Variants in ERC2 observed in about 807,000 individuals in gnomAD.
ERC2 encodes the protein ELKS/RAB6-interacting/CAST family member 2.
Under a neutral mutation model 114.8 loss-of-function variants are expected in ERC2, and 42 were observed. The ratio of observed to expected loss-of-function variants is 0.37; its 90% CI spans 0.29 to 0.47. The LOEUF is 0.47. Among genes scored for constraint, ERC2 ranks in the 20% least tolerant of loss-of-function variants. ERC2 has a pLI of 0.99. For synonymous variants in ERC2, 454 were observed against 425.5 expected, an observed-to-expected ratio of 1.07 and a Z score of -0.82; for missense variants, 939 against 1,150.7, an observed-to-expected ratio of 0.82 and a Z score of 2.66.
intron 2 of ERC2, among the ~76,000 whole-genome samples, chr3:56,329,559 T>C (rs2057512213): frequency 6.6e-6 from 1 of 152,178 alleles, no homozygotes; most frequent in Non-Finnish European, 1.5e-5. Flanking sequence ...CCTACCTGCC[T>C]GGAGGAAGGG....
chr3:56,186,955 A>G (rs766332859), intron 3 of ERC2, among the ~76,000 whole-genome samples: 1 of 152,192 alleles, frequency 6.6e-6, no homozygotes, highest in Non-Finnish European at 1.5e-5. Context: ...GCCTGAGACA[A>G]GGACTTCCAT....
chr3:55,570,910 G>A (rs996619475), intron 17 of ERC2, among the ~76,000 whole-genome samples: 9 of 151,922 alleles, frequency 5.9e-5, no homozygotes, highest in Admixed American at 3.3e-4. Context: ...GGCGGATCAC[G>A]AGGTCAAGAG....
intron 17 of ERC2, among the ~76,000 whole-genome samples, chr3:55,616,455 T>C (rs375401408): frequency 1.4e-4 from 21 of 152,260 alleles, no homozygotes; most frequent in African/African-American, 4.8e-4. Context: ...AAAACAAAAA[T>C]AGCTACATCT....
chr3:55,520,938 T>C (rs188184291), intron 17 of ERC2, among the ~76,000 whole-genome samples: 73 of 152,218 alleles, frequency 4.8e-4, no homozygotes, highest in African/African-American at 1.7e-3. Flanking sequence ...TGCCCCCTCC[T>C]AGAAAAGGAG....
chr3:56,394,546 T>C (rs1164172515), intron 2 of ERC2, among the ~76,000 whole-genome samples: 2 of 152,116 alleles, frequency 1.3e-5, no homozygotes, highest in African/African-American at 4.8e-5. Context: ...AATTTAAAAA[T>C]GGGCAAAAGA....
At chr3:55,689,689 A>C (rs2062533257) in intron 16 of ERC2, among the ~76,000 whole-genome samples, 1 of 151,792 alleles carries the variant, frequency 6.6e-6, no homozygotes, top group African/African-American at 2.4e-5. Context: ...AAATGAGGGG[A>C]GGCTGAGGCA....
chr3:56,296,537 T>A, intron 2 of ERC2, 102 bp from the exon 3 acceptor site: 1 of 1,281,240 alleles, frequency 7.8e-7, no homozygotes, highest in Non-Finnish European at 1.1e-6. Flanking sequence ...GATGGAATGT[T>A]AATCATGAGG....
intron 2 of ERC2, among the ~76,000 whole-genome samples, chr3:56,422,995 A>T (rs942632518): frequency 2.0e-5 from 3 of 152,246 alleles, no homozygotes; most frequent in Admixed American, 6.5e-5. Context: ...AGTTTTATAA[A>T]ATAGGTTTAT....
At chr3:56,335,130 G>T (rs1475399512) in intron 2 of ERC2, among the ~76,000 whole-genome samples, 1 of 152,196 alleles carries the variant, frequency 6.6e-6, no homozygotes, top group Admixed American at 6.5e-5. Context: ...AATGGGCATA[G>T]GGCATCTAAG....
chr3:55,817,691 G>A (rs577075496), intron 14 of ERC2, among the ~76,000 whole-genome samples: 5 of 152,318 alleles, frequency 3.3e-5, no homozygotes, highest in African/African-American at 1.2e-4. Context: ...TCACTTGCAA[G>A]GCAAAGCAGT....
intron 2 of ERC2, among the ~76,000 whole-genome samples, chr3:56,311,421 C>T (rs2056571850): frequency 6.6e-6 from 1 of 150,950 alleles, no homozygotes; most frequent in Non-Finnish European, 1.5e-5. Flanking sequence ...GCCTCAGCCT[C>T]CCAAGTAGCT....
At chr3:56,282,676 T>C (rs772756273) in intron 3 of ERC2, among the ~76,000 whole-genome samples, 1 of 140,378 alleles carries the variant, frequency 7.1e-6, no homozygotes, top group Non-Finnish European at 1.6e-5. Flanking sequence ...CATCTAACAG[T>C]GGTGCTGCTG....
At chr3:55,933,875 T>A (rs2066277791) in intron 13 of ERC2, among the ~76,000 whole-genome samples, 1 of 152,198 alleles carries the variant, frequency 6.6e-6, no homozygotes, top group Non-Finnish European at 1.5e-5. Context: ...AGACACCAAG[T>A]GAGCACAAAG....
At chr3:56,022,669 G>C (rs771652154) in intron 7 of ERC2, among the ~76,000 whole-genome samples, 4 of 152,146 alleles carry the variant, frequency 2.6e-5, no homozygotes, top group African/African-American at 4.8e-5. Flanking sequence ...TCAAATAGCA[G>C]GAATTGGAAA....
chr3:56,112,722 T>C lies in ERC2; in HGVS notation c.1473+26787A>G, dbSNP rs1388395317. Among the ~76,000 whole-genome samples, 6 of 152,100 alleles carry C rather than the reference T, an allele frequency of 3.9e-5. No individual in the cohort carries two copies. In the East Asian group the frequency reaches 1.2e-3, roughly 29 times the overall value. ...TATATTAGGAGAAAACCAGGAGGGA[T>C]GGTTACAAAGTATTTTACTAAAAAT... On this transcript the variant is annotated intron_variant, in intron 6 of 17. Transcript: ENST00000288221.
chr3:55,864,154 T>C lies in ERC2; in HGVS notation c.2564+24235A>G, dbSNP rs564171605. On this transcript the variant is annotated intron_variant, in intron 14 of 17. Coordinates refer to ENST00000288221, the MANE Select transcript of ERC2 (RefSeq NM_015576.3). Reference sequence around the variant, plus strand: ...ATATATATATACATATATATATATATACACATATATATACACATATATATA... The same window carrying C: ...ATATATATATACATATATATATATACACACATATATATACACATATATATA... 2.4e-3 allele frequency among the ~76,000 whole-genome samples: 274 copies of C among 111,982 alleles called. 1 individual carries two copies. Among genetic ancestry groups the C allele is most frequent in the African/African-American group, 5.5e-3 (132 of 23,842 alleles). 73.5% of individuals were successfully genotyped at this position (111,982 alleles called of 152,430 possible). A position where few individuals can be genotyped will look rare whatever the true frequency, so the allele number is the denominator to read the frequency against.
intron 12 of ERC2, among the ~76,000 whole-genome samples, chr3:55,956,565 T>C (rs752328309): frequency 2.0e-4 from 30 of 152,170 alleles, no homozygotes; most frequent in Non-Finnish European, 4.1e-4. Flanking sequence ...CTAAATGTCA[T>C]GAGCATGATA....
At chr3:56,013,443 A>G (rs2073095663) in intron 8 of ERC2, among the ~76,000 whole-genome samples, 1 of 152,188 alleles carries the variant, frequency 6.6e-6, no homozygotes, top group South Asian at 2.1e-4. Context: ...TGCCAAAAGC[A>G]CAAAGATCTT....
At chr3:55,827,967 A>C (rs1197963123) in intron 14 of ERC2, among the ~76,000 whole-genome samples, 1 of 152,246 alleles carries the variant, frequency 6.6e-6, no homozygotes, top group Non-Finnish European at 1.5e-5. Flanking sequence ...CAGCACGTCC[A>C]TCGCCACTGC....
Sources: allele counts gnomAD v4.1 joint callset (sites outside exome capture counted in the v4.1 genomes callset), GRCh38; gene constraint gnomAD v4.1.1; transcripts MANE v1.5; gene names NCBI Gene and HGNC (gene_info 2026-07-23, HGNC 2026-07-21).